EBF1: variants seen among roughly 807,000 people sequenced by gnomAD.
EBF1 encodes transcription factor COE1.
A neutral mutation model predicts 68.4 loss-of-function variants in EBF1; 10 were observed. The observed-to-expected ratio is 0.15, with a 90% CI of 0.09 to 0.25. EBF1 has a LOEUF of 0.25. Among genes scored for constraint, EBF1 ranks in the 10% least tolerant of loss-of-function variants. The pLI is 1.00. For missense variants in EBF1, 509 were observed against 794.4 expected, an observed-to-expected ratio of 0.64 and a Z score of 4.32; for synonymous variants, 298 against 299.8, an observed-to-expected ratio of 0.99 and a Z score of 0.06.
At chr5:158,747,482 A>AT (rs1767845023) in intron 10 of EBF1, among the ~76,000 whole-genome samples, 1 of 152,180 alleles carries the variant, frequency 6.6e-6, no homozygotes. Context: ...ACATCTTCAT[A>AT]TACATGATCT....
intron 7 of EBF1, among the ~76,000 whole-genome samples, chr5:158,838,791 T>A (rs969618592): frequency 1.3e-5 from 2 of 152,244 alleles, no homozygotes; most frequent in African/African-American, 4.8e-5. Flanking sequence ...CTTAAGAGCA[T>A]ACTTTAAACA....
At chr5:158,731,246 A>G in intron 10 of EBF1, 89 bp from the exon 11 acceptor site, 1 of 1,223,462 alleles carries the variant, frequency 8.2e-7, no homozygotes, top group Non-Finnish European at 1.2e-6. Context: ...AATAACCAGG[A>G]AGTCCAAAGT....
At chr5:159,098,206 G>T (rs1466770482) in intron 1 of EBF1, among the ~76,000 whole-genome samples, 1 of 152,224 alleles carries the variant, frequency 6.6e-6, no homozygotes, top group Non-Finnish European at 1.5e-5. Context: ...CTTAATGGGG[G>T]GAAAAAGGCC....
At chr5:158,739,729 A>G (rs1422791225) in intron 10 of EBF1, among the ~76,000 whole-genome samples, 4 of 152,220 alleles carry the variant, frequency 2.6e-5, no homozygotes, top group Non-Finnish European at 5.9e-5. Context: ...ATATAACAAG[A>G]GTAATATTAC....
At chr5:159,001,464 C>T (rs1762535763) in intron 6 of EBF1, among the ~76,000 whole-genome samples, 1 of 152,134 alleles carries the variant, frequency 6.6e-6, no homozygotes, top group South Asian at 2.1e-4. Flanking sequence ...TATGACTCAA[C>T]CATTCACTGA....
intron 6 of EBF1, among the ~76,000 whole-genome samples, chr5:158,968,099 AT>A (rs1202158755): frequency 6.6e-6 from 1 of 152,230 alleles, no homozygotes; most frequent in East Asian, 1.9e-4. Context: ...GCAAAAAAAA[AT>A]TATAAATTAG....
intron 9 of EBF1, among the ~76,000 whole-genome samples, chr5:158,789,021 G>C (rs181378394): frequency 2.6e-3 from 401 of 151,872 alleles, no homozygotes; most frequent in African/African-American, 9.0e-3. Flanking sequence ...GGCTCATTTA[G>C]AAATGATTTC....
At chr5:159,087,035 T>C (rs1049090774) in intron 4 of EBF1, among the ~76,000 whole-genome samples, 1 of 152,014 alleles carries the variant, frequency 6.6e-6, no homozygotes, top group Non-Finnish European at 1.5e-5. Flanking sequence ...TTAGATCTCA[T>C]ACATGATGCT....
chr5:158,781,955 T>C (rs937819129), intron 9 of EBF1, among the ~76,000 whole-genome samples: 2 of 152,200 alleles, frequency 1.3e-5, no homozygotes, highest in Non-Finnish European at 2.9e-5. Flanking sequence ...CTTGACAGAA[T>C]AATATTTAGG....
intron 10 of EBF1, among the ~76,000 whole-genome samples, chr5:158,748,511 G>T (rs535505310): frequency 6.6e-6 from 1 of 152,212 alleles, no homozygotes; most frequent in South Asian, 2.1e-4. Flanking sequence ...AACTATCTTC[G>T]GATTCACAAA....
At chr5:158,741,695 C>T (rs1406328793) in intron 10 of EBF1, among the ~76,000 whole-genome samples, 2 of 151,694 alleles carry the variant, frequency 1.3e-5, no homozygotes, top group African/African-American at 4.8e-5. Flanking sequence ...TTTGAAATAT[C>T]TCATAGCATC....
At chr5:158,940,978 T>C (rs1813228685) in intron 6 of EBF1, among the ~76,000 whole-genome samples, 1 of 152,174 alleles carries the variant, frequency 6.6e-6, no homozygotes, top group African/African-American at 2.4e-5. Context: ...TGAGAAGTTA[T>C]GTCTGTCTGA....
At chr5:159,038,845 T>G (rs760170404) in intron 6 of EBF1, among the ~76,000 whole-genome samples, 1 of 152,120 alleles carries the variant, frequency 6.6e-6, no homozygotes, top group Non-Finnish European at 1.5e-5. Context: ...TAGAAAGAGA[T>G]CCTGGTTCAG....
At chr5:159,049,990 A>G (rs1168892494) in intron 6 of EBF1, among the ~76,000 whole-genome samples, 2 of 152,148 alleles carry the variant, frequency 1.3e-5, no homozygotes, top group Admixed American at 6.5e-5. Flanking sequence ...GAAGCACTAA[A>G]TAAGGTTTAA....
At chr5:159,089,487 G>A (rs1049078274) in intron 4 of EBF1, among the ~76,000 whole-genome samples, 1 of 152,076 alleles carries the variant, frequency 6.6e-6, no homozygotes, top group African/African-American at 2.4e-5. Flanking sequence ...TATGGGTAAA[G>A]ACCACACAGT....
chr5:159,000,649 C>A (rs1416089710), intron 6 of EBF1, among the ~76,000 whole-genome samples: 1 of 152,154 alleles, frequency 6.6e-6, no homozygotes, highest in Non-Finnish European at 1.5e-5. Flanking sequence ...CCTGGGTCCA[C>A]AACTATGAGA....
intron 15 of EBF1, among the ~76,000 whole-genome samples, chr5:158,701,430 C>A (rs1307136516): frequency 1.3e-5 from 2 of 151,938 alleles, no homozygotes; most frequent in African/African-American, 4.8e-5. Flanking sequence ...TAGATTAAGC[C>A]TCCACTTAGG....
chr5:158,899,031 C>A (rs1025690306), intron 6 of EBF1, among the ~76,000 whole-genome samples: 1 of 152,198 alleles, frequency 6.6e-6, no homozygotes, highest in African/African-American at 2.4e-5. Flanking sequence ...ACTGTAGACA[C>A]ACAGTATACT....
chr5:159,099,253 C>G (rs576004153), intron 1 of EBF1, 92 bp downstream of exon 1: 7 of 1,063,080 alleles, frequency 6.6e-6, no homozygotes, highest in East Asian at 7.2e-5. Flanking sequence ...CGCCCGGCCC[C>G]GCGGCAGCAG....
Sources: allele counts gnomAD v4.1 joint callset (sites outside exome capture counted in the v4.1 genomes callset), GRCh38; gene constraint gnomAD v4.1.1; transcripts MANE v1.5; gene names NCBI Gene and HGNC (gene_info 2026-07-23, HGNC 2026-07-21).